The following CCDC91 variants were observed in gnomAD, a reference collection of about 807,000 sequenced individuals.
The protein encoded by CCDC91 is coiled-coil domain containing 91, also known as coiled-coil domain-containing protein 91.
In CCDC91, 48 loss-of-function variants were observed where a neutral mutation model predicts 63.2. That is an observed-to-expected ratio of 0.76 (90% CI 0.60 to 0.97). The LOEUF is 0.97. CCDC91 is among the 50% of genes least tolerant of loss of function. The probability of loss-of-function intolerance (pLI) is 0.00; values close to 1 mark genes in which losing one functional copy is unlikely to be tolerated. For synonymous variants in CCDC91, 167 were observed against 165.8 expected, an observed-to-expected ratio of 1.01 and a Z score of -0.06; for missense variants, 500 against 494.6, an observed-to-expected ratio of 1.01 and a Z score of -0.10.
chr12:28,360,729 A>G (rs1291984649), intron 6 of CCDC91, among the ~76,000 whole-genome samples: 4 of 152,224 alleles, frequency 2.6e-5, no homozygotes, highest in Non-Finnish European at 5.9e-5. Context: ...AGATTTTAGT[A>G]TAAGGGGTAT....
chr12:28,455,668 T>A (rs1328517820), intron 11 of CCDC91, among the ~76,000 whole-genome samples: 1 of 151,996 alleles, frequency 6.6e-6, no homozygotes. Flanking sequence ...AAAAAGGTAT[T>A]TTTATGTTTT....
chr12:28,267,732 T>C (rs1248954237), intron 3 of CCDC91, among the ~76,000 whole-genome samples: 2 of 75,572 alleles, frequency 2.6e-5, no homozygotes, highest in African/African-American at 8.9e-5. Context: ...TATTATTTAT[T>C]ATATATAATT....
chr12:28,326,621 G>A (rs143501096), intron 6 of CCDC91, among the ~76,000 whole-genome samples: 3,312 of 139,028 alleles, frequency 0.024, 44 homozygotes, highest in Non-Finnish European at 0.037. Context: ...TCATTGTTCA[G>A]TTCCCACCTA....
At chr12:28,478,961 C>A (rs953684869) in intron 11 of CCDC91, among the ~76,000 whole-genome samples, 1 of 152,116 alleles carries the variant, frequency 6.6e-6, no homozygotes, top group African/African-American at 2.4e-5. Context: ...TATCGGGAAA[C>A]AACAGGTGCT....
intron 8 of CCDC91, among the ~76,000 whole-genome samples, chr12:28,425,527 A>T (rs1391554664): frequency 2.6e-5 from 4 of 152,152 alleles, no homozygotes; most frequent in African/African-American, 2.4e-5. Flanking sequence ...GTGCTGTTCC[A>T]TAGGGAAATT....
intron 11 of CCDC91, among the ~76,000 whole-genome samples, chr12:28,456,684 G>A (rs1167770644): frequency 2.0e-5 from 3 of 152,076 alleles, no homozygotes; most frequent in African/African-American, 7.2e-5. Flanking sequence ...CTGGATGGAT[G>A]GTGATTTTGG....
intron 7 of CCDC91, among the ~76,000 whole-genome samples, chr12:28,373,612 A>T (rs966581397): frequency 3.9e-5 from 1 of 25,842 alleles, no homozygotes; most frequent in Non-Finnish European, 7.4e-4. Context: ...AAGTTTCTAT[A>T]CATTTTTTTT....
chr12:28,431,974 A>T (rs559264329), intron 8 of CCDC91, among the ~76,000 whole-genome samples: 1 of 151,792 alleles, frequency 6.6e-6, no homozygotes, highest in Non-Finnish European at 1.5e-5. Context: ...TATATTTGGA[A>T]CCATACAATA....
chr12:28,339,209 G>C (rs1373315496), intron 6 of CCDC91, among the ~76,000 whole-genome samples: 4 of 152,344 alleles, frequency 2.6e-5, no homozygotes, highest in African/African-American at 9.6e-5. Flanking sequence ...AAGCATGAAG[G>C]AAAGGGAGTA....
chr12:28,287,412 C>T (rs1948981035), intron 3 of CCDC91, among the ~76,000 whole-genome samples: 1 of 152,164 alleles, frequency 6.6e-6, no homozygotes, highest in Non-Finnish European at 1.5e-5. Context: ...GGTCCAGTTT[C>T]AATCTTCTAT....
At chr12:28,219,887 ATAT>A (rs1555158572) in intron 1 of CCDC91, among the ~76,000 whole-genome samples, 1 of 151,568 alleles carries the variant, frequency 6.6e-6, no homozygotes, top group Non-Finnish European at 1.5e-5. Context: ...TCTCCCTTTA[ATAT>A]TCTAATTTGT....
chr12:28,297,100 T>A lies in CCDC91; in HGVS notation c.110-8549T>A, dbSNP rs565832819. ...TAAAGGTCAAAACTATTTTCTGAGT[T>A]ACAAGATATAAAAATCATTATTTTA... On this transcript the variant is annotated intron_variant, in intron 3 of 12. Transcript: ENST00000536442. Among the ~76,000 whole-genome samples the A allele has an allele frequency of 6.6e-5, 10 of 152,046 alleles. 1 individual carries two copies. Among genetic ancestry groups the A allele is most frequent in the South Asian group, 4.1e-4 (2 of 4,826 alleles).
intron 1 of CCDC91, chr12:28,226,225 G>T (rs1565636868): frequency 6.6e-6 from 1 of 152,178 alleles, no homozygotes; most frequent in Non-Finnish European, 1.5e-5. Flanking sequence ...TTAAATGGTT[G>T]TGACTGGAAC....
At chr12:28,298,009 A>G (rs183022240) in intron 3 of CCDC91, among the ~76,000 whole-genome samples, 8 of 151,958 alleles carry the variant, frequency 5.3e-5, no homozygotes, top group African/African-American at 1.7e-4. Flanking sequence ...ACCTTAAATT[A>G]GTGAAGCTAT....
intron 8 of CCDC91, among the ~76,000 whole-genome samples, chr12:28,393,166 T>C (rs1285218578): frequency 1.3e-5 from 2 of 152,174 alleles, no homozygotes; most frequent in Non-Finnish European, 2.9e-5. Context: ...CTTTGTTTAC[T>C]ATATTTCAAA....
intron 11 of CCDC91, among the ~76,000 whole-genome samples, chr12:28,469,487 A>G (rs577886059): frequency 1.6e-4 from 24 of 152,218 alleles, no homozygotes; most frequent in Non-Finnish European, 3.5e-4. Flanking sequence ...GAAATAATAA[A>G]TATTGTTAAA....
chr12:28,471,896 G>A (rs1449332402), intron 11 of CCDC91, among the ~76,000 whole-genome samples: 23 of 151,978 alleles, frequency 1.5e-4, no homozygotes, highest in Non-Finnish European at 2.9e-4. Flanking sequence ...GATTACAGGC[G>A]TCTGCCATCA....
At chr12:28,271,884 A>G (rs1190188356) in intron 3 of CCDC91, among the ~76,000 whole-genome samples, 1 of 149,264 alleles carries the variant, frequency 6.7e-6, no homozygotes, top group Non-Finnish European at 1.5e-5. Context: ...CATACTCAAT[A>G]CATAATATAT....
intron 6 of CCDC91, among the ~76,000 whole-genome samples, chr12:28,336,653 G>C (rs906683847): frequency 3.9e-5 from 6 of 152,014 alleles, no homozygotes; most frequent in African/African-American, 1.4e-4. Context: ...TTCATTCCTA[G>C]AAATGAAGAG....
Sources: gnomAD v4.1 joint callset for allele counts (sites outside exome capture counted in the v4.1 genomes callset) on GRCh38, gnomAD v4.1.1 for gene constraint, MANE v1.5 for transcripts, NCBI Gene and HGNC (gene_info 2026-07-23, HGNC 2026-07-21) for gene names.